RYR1: variants seen among roughly 807,000 people sequenced by gnomAD.
RYR1 encodes ryanodine receptor 1.
In RYR1, 342 loss-of-function variants were observed where a neutral mutation model predicts 583.5. That is an observed-to-expected ratio of 0.59 (90% CI 0.54 to 0.64). The LOEUF (loss-of-function observed/expected upper bound fraction) is 0.64, where lower values mean the gene tolerates loss of function less well. Ranked by LOEUF, RYR1 falls within the 30% of genes least tolerant of loss-of-function variation. RYR1 has a pLI of 0.00. For missense variants in RYR1, 6,032 were observed against 6,917.2 expected (o/e 0.87, Z 4.54); for synonymous variants, 2,791 against 2,822.5 (o/e 0.99, Z 0.35).
intron 67 of RYR1, among the ~76,000 whole-genome samples, chr19:38,520,501 C>G (rs150685379): frequency 0.034 from 5,149 of 151,486 alleles, 105 homozygotes; most frequent in Non-Finnish European, 0.042. Flanking sequence ...TTGAGACCAG[C>G]CTGGCCAACG....
chr19:38,499,676 C>T lies in RYR1; in HGVS notation c.7069C>T (p.Leu2357Phe). ...EENANVVVRL[L>F]IRKPECFGPA... ...GAACGCCAATGTGGTGGTGCGGCTG[C>T]TCATCCGGAAGCCTGAGTGCTTCGG... The change falls in exon 44 of 106, where the codon CTC becomes TTC. Residue 2357 changes from leucine (L) to phenylalanine (F), a missense_variant. By Grantham distance (22) the Leu-to-Phe change is conservative. Coordinates refer to ENST00000359596, the MANE Select transcript of RYR1 (RefSeq NM_000540.3). This position sits in a 1 kb window ranked among gnomAD's most constrained non-coding sequence, Gnocchi z 7.3. 6.3e-7 allele frequency: 1 copy of T among 1,599,810 alleles called. No homozygotes were observed.
chr19:38,558,222 G>C (rs996907198), intron 89 of RYR1, among the ~76,000 whole-genome samples: 1 of 151,888 alleles, frequency 6.6e-6, no homozygotes, highest in Admixed American at 6.6e-5. Flanking sequence ...AAGACGGGAG[G>C]ATCACTTGAG....
chr19:38,562,615 T>G (rs534831471), intron 90 of RYR1, among the ~76,000 whole-genome samples: 8 of 152,240 alleles, frequency 5.3e-5, no homozygotes, highest in Admixed American at 1.3e-4. Flanking sequence ...AGCCCTGTCC[T>G]CATGTTCTGG....
At chr19:38,468,108 C>T (rs1421388094) in intron 25 of RYR1, among the ~76,000 whole-genome samples, 1 of 145,792 alleles carries the variant, frequency 6.9e-6, no homozygotes, top group African/African-American at 2.6e-5. Context: ...ATCCATCCAG[C>T]TAACCAACCA....
chr19:38,542,131 C>CA (rs1267048625), intron 84 of RYR1, among the ~76,000 whole-genome samples: 1 of 150,252 alleles, frequency 6.7e-6, no homozygotes, highest in Admixed American at 6.6e-5. Context: ...ACTGTATCCC[C>CA]AGAGCCTAGA....
At chr19:38,455,035 G>A (rs1967291030) in intron 13 of RYR1, among the ~76,000 whole-genome samples, 200 bp from the exon 14 acceptor site, 1 of 152,108 alleles carries the variant, frequency 6.6e-6, no homozygotes, top group South Asian at 2.1e-4. Context: ...AGTCAGAGAG[G>A]ACAAGAATAG....
At position 38,506,871 on chromosome 19, in the gene RYR1, C is replaced by T. The variant is rs1970478618; in HGVS notation, c.8735C>T (p.Thr2912Met). The T allele has an allele frequency of 2.5e-6, 4 of 1,613,972 alleles. No homozygotes were observed. The highest frequency in any genetic ancestry group is 3.4e-6 in the Non-Finnish European group (4 of 1,180,024). The change falls in exon 57 of 106, where the codon ACG (threonine) becomes ATG (methionine). Residue 2912 changes from threonine to methionine, a missense_variant. Around this residue, in one of 11 missense-constraint regions of RYR1, gnomAD observed 1,493 missense variants for 1,715.5 expected, o/e 0.87. Transcript: ENST00000359596. ...HPLLVPYDTL[T>M]AKEKARDREK... ...CTGCTGGTCCCCTACGACACGCTCA[C>T]GGCCAAGGAGAAGGCACGAGATCGA...
chr19:38,535,670 G>A (rs1971933164), intron 81 of RYR1: 3 of 594,456 alleles, frequency 5.0e-6, no homozygotes, highest in Non-Finnish European at 8.9e-6. Flanking sequence ...AGATTTAGGA[G>A]CTCTCTGATG....
intron 31 of RYR1, among the ~76,000 whole-genome samples, chr19:38,480,068 A>G (rs889246250): frequency 6.6e-6 from 1 of 152,154 alleles, no homozygotes; most frequent in African/African-American, 2.4e-5. Flanking sequence ...AGAATGGAAT[A>G]GTATAATGAA....
chr19:38,506,358 C>A lies in RYR1; in HGVS notation c.8597C>A (p.Thr2866Asn). The change falls in exon 55 of 106, where the codon ACC becomes AAC. Residue 2866 changes from threonine (T) to asparagine (N), a missense_variant. By Grantham distance (65) the Thr-to-Asn change is moderately conservative. Coordinates refer to ENST00000359596, the MANE Select transcript of RYR1 (RefSeq NM_000540.3). ...CAGCCCCCCGACCTTAGTGCTGTTA[C>A]CCTGTCCCGGGAGCTGCAGGTGAGA... ...NPQPPDLSAV[T>N]LSRELQAMAE... The A allele has an allele frequency of 6.2e-7, 1 of 1,613,826 alleles. No individual in the cohort carries two copies. The highest frequency in any genetic ancestry group is 8.5e-7 in the Non-Finnish European group (1 of 1,179,834).
At position 38,496,260 on chromosome 19, in the gene RYR1, G is replaced by A; in HGVS notation, c.6594G>A (p.Met2198Ile). ...NKVFYQHPNLMRALGMHETVM... is the reference protein window; with the variant it reads ...NKVFYQHPNLIRALGMHETVM... ...TCTTCTACCAACACCCGAACCTGATGAGGGCGCTGGGCATGCACGAGACGG... is the reference window on the plus strand; with the variant it reads ...TCTTCTACCAACACCCGAACCTGATAAGGGCGCTGGGCATGCACGAGACGG... The change falls in exon 40 of 106, where the codon ATG becomes ATA. Residue 2198 changes from methionine to isoleucine, a missense_variant. Met to Ile is a conservative substitution (Grantham distance 10). This residue lies in a region of RYR1 where 2,627 missense variants were observed against 2,961.3 expected (regional missense o/e 0.89). Coordinates refer to ENST00000359596, the MANE Select transcript of RYR1 (RefSeq NM_000540.3). The surrounding 1 kb of genome is among the most constrained non-coding windows in gnomAD (Gnocchi z 4.8). 1 of 1,613,980 alleles carries A rather than the reference G, an allele frequency of 6.2e-7. No individual in the cohort carries two copies. Among genetic ancestry groups the A allele is most frequent in the Non-Finnish European group, 8.5e-7 (1 of 1,180,038 alleles).
chr19:38,479,156 C>T (rs180996626), intron 31 of RYR1, among the ~76,000 whole-genome samples: 35 of 152,330 alleles, frequency 2.3e-4, no homozygotes, highest in Non-Finnish European at 2.1e-4. Context: ...CCAGGGAACA[C>T]GCTAGGATGG....
At chr19:38,551,106 G>A (rs934390416) in intron 89 of RYR1, among the ~76,000 whole-genome samples, 24 of 121,910 alleles carry the variant, frequency 2.0e-4, no homozygotes, top group Non-Finnish European at 3.5e-4. Flanking sequence ...GGAGTGCAAT[G>A]GTATGATCTT....
chr19:38,478,049 T>C (rs1053413336), intron 30 of RYR1, among the ~76,000 whole-genome samples, 179 bp downstream of exon 30: 2 of 152,010 alleles, frequency 1.3e-5, no homozygotes, highest in Non-Finnish European at 2.9e-5. Context: ...TTTTTCCTCC[T>C]CTCTTCCTGC....
chr19:38,492,350 G>C (rs1969585565), intron 37 of RYR1, 140 bp from the exon 38 acceptor site: 2 of 884,516 alleles, frequency 2.3e-6, no homozygotes, highest in Non-Finnish European at 3.4e-6. Context: ...AACAGAACAA[G>C]ACACTGTCTC....
chr19:38,575,876 C>A (rs1245487865), intron 96 of RYR1, 43 bp from the exon 97 acceptor site: 1 of 1,607,944 alleles, frequency 6.2e-7, no homozygotes, highest in Admixed American at 1.7e-5. Flanking sequence ...ATCCCTCTGG[C>A]CCTAACATCT....
chr19:38,586,679 T>C, intron 105 of RYR1, 103 bp downstream of exon 105: 3 of 1,176,062 alleles, frequency 2.6e-6, no homozygotes, highest in Admixed American at 1.8e-5. Flanking sequence ...TATCAAGGGT[T>C]AGGGCTGGGG....
Position 38,443,586 on chromosome 19 carries a change from T to C in RYR1, c.299T>C (p.Leu100Pro). ...ESSQGGGHRT[L>P]LYGHAILLRH... ...TCCCAGGGCGGGGGACACAGGACGC[T>C]CCTGTATGGCCATGCCATCCTGCTC... The change falls in exon 4 of 106, where the codon CTC becomes CCC. Residue 100 changes from leucine (L) to proline (P), a missense_variant. Transcript: ENST00000359596. The C allele has an allele frequency of 6.2e-7, 1 of 1,614,044 alleles. No individual in the cohort carries two copies. Among genetic ancestry groups the C allele is most frequent in the Non-Finnish European group, 8.5e-7 (1 of 1,179,974 alleles).
intron 22 of RYR1, among the ~76,000 whole-genome samples, chr19:38,464,142 T>C (rs1206162313): frequency 1.3e-5 from 2 of 151,286 alleles, no homozygotes; most frequent in Non-Finnish European, 2.9e-5. Flanking sequence ...CCGGGCGTGG[T>C]GGTGCACCTC....
Sources: allele counts gnomAD v4.1 joint callset (sites outside exome capture counted in the v4.1 genomes callset), GRCh38; gene constraint gnomAD v4.1.1; regional missense constraint gnomAD v4.1.1; non-coding constraint Gnocchi (gnomAD v3.1); transcripts MANE v1.5; gene names NCBI Gene and HGNC (gene_info 2026-07-23, HGNC 2026-07-21).